Variants in NBEA observed in about 807,000 individuals in gnomAD.
NBEA encodes the protein neurobeachin.
A neutral mutation model predicts 343.4 loss-of-function variants in NBEA; 44 were observed. The ratio of observed to expected loss-of-function variants is 0.13; its 90% CI spans 0.10 to 0.16. The LOEUF is 0.16. Among genes scored for constraint, NBEA ranks in the 10% least tolerant of loss-of-function variants. The probability of loss-of-function intolerance (pLI) is 1.00; values close to 1 mark genes in which losing one functional copy is unlikely to be tolerated. For missense variants in NBEA, 2,555 were observed against 3,631.3 expected, an observed-to-expected ratio of 0.70 and a Z score of 7.62; for synonymous variants, 1,175 against 1,238.7, an observed-to-expected ratio of 0.95 and a Z score of 1.08.
chr13:35,661,114 A>G (rs1356394521), intron 55 of NBEA, among the ~76,000 whole-genome samples: 1 of 152,166 alleles, frequency 6.6e-6, no homozygotes, highest in East Asian at 1.9e-4. Context: ...TTATGGGACT[A>G]AGGCTTCAAG....
chr13:35,087,822 T>C (rs2064852791), intron 10 of NBEA, among the ~76,000 whole-genome samples: 1 of 151,896 alleles, frequency 6.6e-6, no homozygotes, highest in African/African-American at 2.4e-5. Flanking sequence ...GAACAAATGG[T>C]ATAACCAGAG....
At position 35,161,241 on chromosome 13, in the gene NBEA, T is replaced by G. The variant is rs150815477; in HGVS notation, c.3862-509T>G. On this transcript the variant is annotated intron_variant, in intron 22 of 58. Transcript: ENST00000379939. ...TTTTTCATTTGGAGTTTATAGACAT[T>G]TTTCTGGTTTGTTTTCTAACTTATC... Among the ~76,000 whole-genome samples the G allele has an allele frequency of 2.5e-4, 38 of 152,262 alleles. No individual in the cohort carries two copies. The East Asian group carries it at 7.1e-3, about 29-fold the overall frequency.
At chr13:35,085,397 G>A (rs1356330993) in intron 10 of NBEA, among the ~76,000 whole-genome samples, 1 of 152,110 alleles carries the variant, frequency 6.6e-6, no homozygotes, top group African/African-American at 2.4e-5. Context: ...GATCAAGTTG[G>A]CTTCATCCCT....
chr13:35,106,198 T>C (rs1348486722), intron 11 of NBEA, among the ~76,000 whole-genome samples: 3 of 152,034 alleles, frequency 2.0e-5, no homozygotes, highest in Non-Finnish European at 4.4e-5. Context: ...TTAAATTGTA[T>C]TTCCATCTAA....
rs573748802 is a variant in NBEA at position 35,379,521 on chromosome 13, C to G, written c.6179+27198C>G. On this transcript the variant is annotated intron_variant, in intron 38 of 58. Transcript: ENST00000379939. ...GCCTTTTGCTTTCTTATTTTTAGTTCTTCTAATCTATCATTTTATCTTTTA... is the reference window on the plus strand; with the variant it reads ...GCCTTTTGCTTTCTTATTTTTAGTTGTTCTAATCTATCATTTTATCTTTTA... Among the ~76,000 whole-genome samples the G allele has an allele frequency of 5.9e-5, 9 of 152,092 alleles. No individual in the cohort carries two copies. The East Asian group carries it at 1.2e-3, about 20-fold the overall frequency.
intron 10 of NBEA, among the ~76,000 whole-genome samples, chr13:35,082,760 G>T (rs1450028091): frequency 6.6e-6 from 1 of 152,000 alleles, no homozygotes; most frequent in East Asian, 1.9e-4. Flanking sequence ...CTTTTTGATG[G>T]GGTTGTTTGT....
At position 35,513,596 on chromosome 13, in the gene NBEA, A is replaced by T. The variant is rs564348461; in HGVS notation, c.6586-36881A>T. ...CATTTTCTGTTTTTCACCTTTTTTT[A>T]AATATATTTCTAATTTGAATTATAA... On this transcript the variant is annotated intron_variant, in intron 41 of 58. Transcript: ENST00000379939. 7.9e-5 allele frequency among the ~76,000 whole-genome samples: 12 copies of T among 151,972 alleles called. No homozygotes were observed. The East Asian group carries it at 2.3e-3, about 29-fold the overall frequency.
In NBEA at chr13:35,505,074, G is replaced by A. The variant is rs567036386; in HGVS notation, c.6585+32538G>A. Among the ~76,000 whole-genome samples the A allele has an allele frequency of 2.6e-5, 4 of 151,786 alleles. No homozygotes were observed. The South Asian group carries it at 6.2e-4, about 24-fold the overall frequency. Reference sequence around the variant, plus strand: ...AATATATATTATTTTAAAGAATGTGGGCAGAAATCAGAATTCAAAATAACA... The same window carrying A: ...AATATATATTATTTTAAAGAATGTGAGCAGAAATCAGAATTCAAAATAACA... On this transcript the variant is annotated intron_variant, in intron 41 of 58. Coordinates refer to ENST00000379939, the MANE Select transcript of NBEA (RefSeq NM_001385012.1).
At chr13:35,562,870 T>G (rs928617999) in intron 44 of NBEA, among the ~76,000 whole-genome samples, 10 of 152,076 alleles carry the variant, frequency 6.6e-5, no homozygotes, top group Admixed American at 3.3e-4. Flanking sequence ...GGAATTGCAG[T>G]TATAATTTCT....
intron 38 of NBEA, among the ~76,000 whole-genome samples, chr13:35,384,235 G>T (rs1346051173): frequency 6.6e-6 from 1 of 152,164 alleles, no homozygotes; most frequent in Non-Finnish European, 1.5e-5. Flanking sequence ...TGAATCAGTT[G>T]TAATGTTCTA....
chr13:35,010,741 A>AAAAAAAAAAATATAT (rs1555275017), intron 1 of NBEA, among the ~76,000 whole-genome samples: 1 of 31,966 alleles, frequency 3.1e-5, no homozygotes, highest in African/African-American at 1.0e-4. Flanking sequence ...AAAAAAAAAA[A>AAAAAAAAAAATATAT]ATATATATAT....
intron 40 of NBEA, among the ~76,000 whole-genome samples, chr13:35,458,815 T>A (rs1248967293): frequency 6.6e-6 from 1 of 152,164 alleles, no homozygotes; most frequent in East Asian, 1.9e-4. Context: ...CCGCACCTAC[T>A]GTTACTGTAA....
At chr13:35,151,966 A>G (rs2068819038) in intron 18 of NBEA, among the ~76,000 whole-genome samples, 1 of 152,178 alleles carries the variant, frequency 6.6e-6, no homozygotes. Context: ...TTCTGCAGGC[A>G]AAACAAGTAG....
intron 17 of NBEA, among the ~76,000 whole-genome samples, chr13:35,124,657 CACAT>C (rs1337302612): frequency 1.4e-5 from 2 of 148,124 alleles, no homozygotes; most frequent in South Asian, 2.2e-4. Flanking sequence ...GATATACACA[CACAT>C]ATATGTGGAT....
intron 7 of NBEA, among the ~76,000 whole-genome samples, 167 bp downstream of exon 7, chr13:35,056,296 T>TA (rs2152566228): frequency 6.6e-6 from 1 of 152,266 alleles, no homozygotes; most frequent in East Asian, 1.9e-4. Flanking sequence ...AGAAAATTTC[T>TA]AAAAGACATG....
chr13:35,621,463 C>T (rs564390309), intron 48 of NBEA, among the ~76,000 whole-genome samples: 1 of 152,298 alleles, frequency 6.6e-6, no homozygotes, highest in Non-Finnish European at 1.5e-5. Context: ...ATACACCCTA[C>T]TCCCCATCCT....
chr13:35,061,125 T>C (rs1258178665), intron 8 of NBEA, among the ~76,000 whole-genome samples: 1 of 151,676 alleles, frequency 6.6e-6, no homozygotes, highest in Non-Finnish European at 1.5e-5. Flanking sequence ...TCAAACTGTA[T>C]ATTCAATGGA....
chr13:35,374,916 A>G (rs1318041259), intron 38 of NBEA, among the ~76,000 whole-genome samples: 3 of 152,288 alleles, frequency 2.0e-5, no homozygotes, highest in South Asian at 2.1e-4. Flanking sequence ...ACAGGAATGC[A>G]TGCTAGACTA....
At chr13:35,514,182 C>T (rs1224615605) in intron 41 of NBEA, among the ~76,000 whole-genome samples, 1 of 151,752 alleles carries the variant, frequency 6.6e-6, no homozygotes, top group Non-Finnish European at 1.5e-5. Flanking sequence ...GTTGGGAAGA[C>T]TGCATGAGTT....
Sources: gnomAD v4.1 joint callset for allele counts (sites outside exome capture counted in the v4.1 genomes callset) on GRCh38, gnomAD v4.1.1 for gene constraint, MANE v1.5 for transcripts, NCBI Gene and HGNC (gene_info 2026-07-23, HGNC 2026-07-21) for gene names.